The following FANCM variants were observed in gnomAD, a reference collection of about 807,000 sequenced individuals.
FANCM encodes the protein FA complementation group M, also known as Fanconi anemia group M protein.
Under a neutral mutation model 199.5 loss-of-function variants are expected in FANCM, and 140 were observed. The ratio of observed to expected loss-of-function variants is 0.70; its 90% CI spans 0.61 to 0.81. The LOEUF (loss-of-function observed/expected upper bound fraction) is 0.81. Ranked by LOEUF, FANCM falls within the 30% of genes least tolerant of loss-of-function variation. The pLI, the probability that FANCM is intolerant of heterozygous loss-of-function variation, is 0.00. For missense variants in FANCM, 2,410 were observed against 2,421.4 expected (o/e 1.00, Z 0.10); for synonymous variants, 840 against 836.8 (o/e 1.00, Z -0.07).
intron 20 of FANCM, among the ~76,000 whole-genome samples, chr14:45,193,912 T>C (rs1374698106): frequency 6.6e-6 from 1 of 152,220 alleles, no homozygotes; most frequent in Non-Finnish European, 1.5e-5. Flanking sequence ...TATTGTCATC[T>C]TAATAATGTT....
rs1888086982 is a variant in FANCM at position 45,167,777 on chromosome 14, A to G, written c.2002+614A>G. On this transcript the variant is annotated intron_variant, in intron 11 of 22. Coordinates refer to ENST00000267430, the MANE Select transcript of FANCM (RefSeq NM_020937.4). The stretch of plus-strand genomic sequence containing the variant: ...ACTTAATCTCTGAAGTGGGTTTTAA[A>G]CAATCATAAAAATCATATAACTAAC... 2.6e-5 allele frequency among the ~76,000 whole-genome samples: 4 copies of G among 152,308 alleles called. No individual in the cohort carries two copies. The South Asian group carries it at 8.3e-4, about 32-fold the overall frequency.
At chr14:45,190,072 G>T (rs1347684733) in intron 20 of FANCM, among the ~76,000 whole-genome samples, 2 of 151,902 alleles carry the variant, frequency 1.3e-5, no homozygotes. Context: ...AGGAATTTGG[G>T]AGTACCAACT....
intron 20 of FANCM, among the ~76,000 whole-genome samples, chr14:45,191,847 CTTTT>C (rs1490130572): frequency 1.3e-5 from 2 of 151,888 alleles, no homozygotes; most frequent in Non-Finnish European, 2.9e-5. Flanking sequence ...TTGTCTTTTG[CTTTT>C]TTGTTTTGTG....
chr14:45,141,851 A>T (rs1885989039), intron 3 of FANCM, among the ~76,000 whole-genome samples: 1 of 151,866 alleles, frequency 6.6e-6, no homozygotes, highest in African/African-American at 2.4e-5. Flanking sequence ...AGCCTCCCAA[A>T]GTGCTGGGAT....
intron 14 of FANCM, among the ~76,000 whole-genome samples, 191 bp downstream of exon 14, chr14:45,177,167 C>T (rs1041804751): frequency 3.3e-5 from 5 of 150,132 alleles, no homozygotes; most frequent in South Asian, 2.1e-4. Context: ...ACTTATGGCA[C>T]GCATGGTATG....
At chr14:45,171,699 G>C (rs1414531865) in intron 12 of FANCM, among the ~76,000 whole-genome samples, 2 of 125,684 alleles carry the variant, frequency 1.6e-5, no homozygotes, top group South Asian at 3.2e-4. Context: ...TGTTGTGTGT[G>C]TGTGTGTGTG....
intron 3 of FANCM, among the ~76,000 whole-genome samples, chr14:45,141,789 C>T (rs1885983744): frequency 6.6e-6 from 1 of 151,700 alleles, no homozygotes; most frequent in South Asian, 2.1e-4. Context: ...GGGGTTTCAC[C>T]ATGTTGGCCA....
intron 4 of FANCM, among the ~76,000 whole-genome samples, chr14:45,150,079 A>G (rs556028956): frequency 6.6e-6 from 1 of 152,372 alleles, no homozygotes; most frequent in East Asian, 1.9e-4. Flanking sequence ...TGGTTGAACA[A>G]CATGGTTTCA....
chr14:45,186,046 C>T (rs1163423660), intron 18 of FANCM, among the ~76,000 whole-genome samples: 2 of 152,120 alleles, frequency 1.3e-5, no homozygotes, highest in Non-Finnish European at 2.9e-5. Flanking sequence ...GCATGTGCCA[C>T]CATGACCAGT....
Position 45,183,922 on chromosome 14 carries a change from C to A in FANCM, c.4515+20C>A. 6.4e-7 allele frequency: 1 copy of A among 1,569,460 alleles called. No homozygotes were observed. The highest frequency in any genetic ancestry group is 8.8e-7 in the Non-Finnish European group (1 of 1,142,654). ...TTAAAGGTAATCTTTTTTTTAGTTT[C>A]TTTAAATATGTATGCATTTTATCAG... On this transcript the variant is annotated intron_variant, in intron 17 of 22. Coordinates refer to ENST00000267430, the MANE Select transcript of FANCM (RefSeq NM_020937.4).
Position 45,170,673 on chromosome 14 carries a change from A to G in FANCM, c.2087A>G (p.Asp696Gly). 6.2e-7 allele frequency: 1 copy of G among 1,605,844 alleles called. No individual in the cohort carries two copies. Among genetic ancestry groups the G allele is most frequent in the Non-Finnish European group, 8.5e-7 (1 of 1,172,600 alleles). The change falls in exon 12 of 23, where the codon GAC becomes GGC. Residue 696 changes from aspartate to glycine, a missense_variant. Asp to Gly is a moderately conservative substitution (Grantham distance 94). Coordinates refer to ENST00000267430, the MANE Select transcript of FANCM (RefSeq NM_020937.4). ...KLWNRLYRLR[D>G]SDEIKEITLP... ...TGGAACAGACTTTATAGATTAAGGG[A>G]CAGTGATGAAATTAAAGAGATAACA...
intron 13 of FANCM, 130 bp from the exon 14 acceptor site, chr14:45,174,941 G>T (rs893438152): frequency 3.3e-6 from 2 of 605,102 alleles, no homozygotes; most frequent in East Asian, 5.6e-5. Context: ...AACTTTTAAG[G>T]TATAAAAGAA....
Position 45,136,487 on chromosome 14 carries a change from G to GGCTT in FANCM, c.460_463dup (p.Tyr155LeufsTer31), listed in dbSNP as rs1194982189. On this transcript the variant is annotated frameshift_variant, in exon 1 of 23. Coordinates refer to ENST00000267430, the MANE Select transcript of FANCM (RefSeq NM_020937.4). LOFTEE classifies it high-confidence loss of function. ...AACCCTTGGTGACACAGCAGATCGA[G>GGCTT]GCTTGCTACCAGGTGATGGGTATCC... is the stretch of plus-strand genomic sequence containing the variant. The GGCTT allele has an allele frequency of 6.2e-7, 1 of 1,614,028 alleles. No individual in the cohort carries two copies. Among genetic ancestry groups the GGCTT allele is most frequent in the Non-Finnish European group, 8.5e-7 (1 of 1,180,054 alleles).
intron 20 of FANCM, among the ~76,000 whole-genome samples, chr14:45,193,884 A>G (rs763583098): frequency 4.6e-5 from 7 of 152,170 alleles, no homozygotes; most frequent in African/African-American, 9.7e-5. Context: ...TGTTGAATCC[A>G]TAGATTATTT....
rs751006401 is a variant in FANCM, at chr14:45,148,885, C to T, written c.808C>T (p.Arg270Cys). The T allele has an allele frequency of 5.5e-5, 88 of 1,610,214 alleles. No homozygotes were observed. In the Middle Eastern group the frequency reaches 1.4e-3, roughly 25 times the overall value. The change falls in exon 4 of 23, where the codon CGT becomes TGT. Residue 270 changes from arginine (R) to cysteine (C), a missense_variant. Transcript: ENST00000267430. ...CCTGCTAATTGGGCAGATAGAGCTT[C>T]GTTCTGAAGATTCTCCAGATATTTT... ...TNLLIGQIEL[R>C]SEDSPDILTY... is the part of the protein sequence containing the mutation.
Position 45,189,246 on chromosome 14 carries a change from A to G in FANCM, c.5224A>G (p.Ile1742Val), listed in dbSNP as rs143662421. 0.011 allele frequency: 17,290 copies of G among 1,614,072 alleles called. 118 individuals carry two copies. The highest frequency in any genetic ancestry group is 0.015 in the Middle Eastern group (90 of 6,062). The change falls in exon 20 of 23, where the codon ATT becomes GTT. Residue 1742 changes from isoleucine to valine, a missense_variant. By Grantham distance (29) the Ile-to-Val change is conservative. Coordinates refer to ENST00000267430, the MANE Select transcript of FANCM (RefSeq NM_020937.4). ...KQTSLNLKDTISEVSDFKPQN... is the reference protein window; with the variant it reads ...KQTSLNLKDTVSEVSDFKPQN... ...GACATCGCTGAATTTAAAGGATACAATTTCCGAAGTCTCAGACTTCAAACC... is the reference window on the plus strand; with the variant it reads ...GACATCGCTGAATTTAAAGGATACAGTTTCCGAAGTCTCAGACTTCAAACC...
chr14:45,186,700 TG>T (rs1889423454), intron 18 of FANCM, among the ~76,000 whole-genome samples: 1 of 152,180 alleles, frequency 6.6e-6, no homozygotes, highest in Non-Finnish European at 1.5e-5. Flanking sequence ...TATAATCCAG[TG>T]GAAGAATGTT....
chr14:45,150,926 G>A lies in FANCM; in HGVS notation c.919-471G>A, dbSNP rs114246290. ...CATAGTAGATGGTTAATAAATATTT[G>A]TTGAAAAAAATGCATCAGTGAGTAA... On this transcript the variant is annotated intron_variant, in intron 4 of 22. Transcript: ENST00000267430. 1.8e-3 allele frequency among the ~76,000 whole-genome samples: 275 copies of A among 152,134 alleles called. 2 individuals carry two copies. Among genetic ancestry groups the A allele is most frequent in the African/African-American group, 6.5e-3 (270 of 41,514 alleles).
chr14:45,154,854 G>A, intron 7 of FANCM, 32 bp downstream of exon 7: 1 of 1,588,694 alleles, frequency 6.3e-7, no homozygotes, highest in Non-Finnish European at 8.6e-7. Context: ...TATGTATTGT[G>A]TTGTGTTTCT....
Sources: gnomAD v4.1 joint callset for allele counts (sites outside exome capture counted in the v4.1 genomes callset) on GRCh38, gnomAD v4.1.1 for gene constraint, MANE v1.5 for transcripts, NCBI Gene and HGNC (gene_info 2026-07-23, HGNC 2026-07-21) for gene names.